The following CORO2B variants were observed in gnomAD, a reference collection of about 807,000 sequenced individuals.
CORO2B encodes the protein coronin 2B.
CORO2B carries 26 observed loss-of-function variants against 58.8 expected under a neutral mutation model. The ratio of observed to expected loss-of-function variants is 0.44; its 90% CI spans 0.32 to 0.61. The LOEUF (loss-of-function observed/expected upper bound fraction) is 0.61, where lower values mean the gene tolerates loss of function less well. CORO2B is among the 20% of genes least tolerant of loss of function. The pLI is 0.04. For missense variants in CORO2B, 460 were observed against 645.1 expected, an observed-to-expected ratio of 0.71 and a Z score of 3.11; for synonymous variants, 242 against 253.8, an observed-to-expected ratio of 0.95 and a Z score of 0.44.
chr15:68,585,279 C>T (rs575309941), intron 1 of CORO2B, among the ~76,000 whole-genome samples: 45 of 152,258 alleles, frequency 3.0e-4, no homozygotes, highest in South Asian at 2.3e-3. Flanking sequence ...GGGTCAGAGG[C>T]GGGATGCACG....
chr15:68,630,066 T>G (rs1371436136), intron 1 of CORO2B, among the ~76,000 whole-genome samples: 1 of 152,234 alleles, frequency 6.6e-6, no homozygotes, highest in Non-Finnish European at 1.5e-5. Flanking sequence ...GTTTGCTCAG[T>G]GCCCACCAGG....
At chr15:68,528,016 A>AAC in the CORO2B span, among the ~76,000 whole-genome samples, 2 of 152,294 alleles carry the variant, frequency 1.3e-5, no homozygotes, top group East Asian at 3.9e-4. Context: ...GTCACTTAGG[A>AAC]GTTCTCAAAC....
intron 3 of CORO2B, among the ~76,000 whole-genome samples, chr15:68,700,490 G>A (rs1892614245): frequency 6.6e-6 from 1 of 152,126 alleles, no homozygotes. Flanking sequence ...CGTCCCCCAG[G>A]ATCCGTTTCC....
chr15:68,698,029 ACTCAGGGCTGCTC>A (rs1892555592), intron 3 of CORO2B, among the ~76,000 whole-genome samples: 1 of 152,008 alleles, frequency 6.6e-6, no homozygotes. Flanking sequence ...AGCCCCTGGA[ACTCAGGGCTGCTC>A]CTCTACCCAC....
At chr15:68,722,486 C>T (rs551677019) in intron 11 of CORO2B, among the ~76,000 whole-genome samples, 7 of 152,302 alleles carry the variant, frequency 4.6e-5, no homozygotes, top group African/African-American at 1.2e-4. Context: ...AAAAGTCCTA[C>T]GATTGTACAA....
intron 1 of CORO2B, among the ~76,000 whole-genome samples, chr15:68,644,572 C>G (rs1020850462): frequency 5.3e-5 from 8 of 152,116 alleles, no homozygotes; most frequent in African/African-American, 1.7e-4. Flanking sequence ...CTCTCTGTGC[C>G]TGATGATATG....
In CORO2B at chr15:68,708,613, C is replaced by T. The variant is rs142668835; in HGVS notation, c.334-2119C>T. Reference sequence around the variant, plus strand: ...TCCTGACCTCGTGATCCGCCCACCTCGGCCTCCCAAAGTGCTGGGATTACA... The same window carrying T: ...TCCTGACCTCGTGATCCGCCCACCTTGGCCTCCCAAAGTGCTGGGATTACA... On this transcript the variant is annotated intron_variant, in intron 3 of 11. Transcript: ENST00000261861. 8.6e-4 allele frequency among the ~76,000 whole-genome samples: 131 copies of T among 151,894 alleles called. 1 individual carries two copies. The East Asian group carries it at 0.022, about 25-fold the overall frequency.
the CORO2B span, among the ~76,000 whole-genome samples, chr15:68,561,958 G>C: frequency 6.6e-6 from 1 of 152,122 alleles, no homozygotes; most frequent in African/African-American, 2.4e-5. Context: ...GGATGAGTAG[G>C]GGGAGGGCTG....
chr15:68,631,743 T>A (rs1465800470), intron 1 of CORO2B, among the ~76,000 whole-genome samples: 6 of 151,850 alleles, frequency 4.0e-5, no homozygotes. Flanking sequence ...CAGGGGAGGG[T>A]AGGTCCCTGG....
chr15:68,601,406 G>A (rs953837041), intron 1 of CORO2B, among the ~76,000 whole-genome samples: 3 of 152,214 alleles, frequency 2.0e-5, no homozygotes, highest in Non-Finnish European at 2.9e-5. Context: ...TGTGCCTTTC[G>A]GTAGGCACCG....
the CORO2B span, among the ~76,000 whole-genome samples, chr15:68,554,876 C>G: frequency 9.4e-6 from 1 of 106,818 alleles, no homozygotes; most frequent in Non-Finnish European, 2.3e-5. Context: ...AAAGGCCACT[C>G]GACAGCCAGT....
chr15:68,540,464 C>T, the CORO2B span, among the ~76,000 whole-genome samples: 1 of 152,172 alleles, frequency 6.6e-6, no homozygotes, highest in African/African-American at 2.4e-5. Flanking sequence ...ATAATGTCTG[C>T]CAAATACACA....
At chr15:68,676,949 T>G (rs947098388) in intron 2 of CORO2B, among the ~76,000 whole-genome samples, 2 of 152,084 alleles carry the variant, frequency 1.3e-5, no homozygotes, top group Non-Finnish European at 2.9e-5. Flanking sequence ...TTTTTTTTCT[T>G]TTTTTTGTAG....
rs1166401616 is a variant in CORO2B, at chr15:68,595,927, G to A, written c.15+16650G>A. 3.3e-5 allele frequency among the ~76,000 whole-genome samples: 5 copies of A among 152,136 alleles called. No homozygotes were observed. In the East Asian group the frequency reaches 9.7e-4, roughly 29 times the overall value. On this transcript the variant is annotated intron_variant, in intron 1 of 11. Transcript: ENST00000261861. ...TTGGAGTGTGGCTCTGAACCTAGGT[G>A]AGGGAAGGAGCAGCGTGAGCAGAGG...
At chr15:68,648,766 A>G (rs765793508) in intron 2 of CORO2B, among the ~76,000 whole-genome samples, 1 of 152,270 alleles carries the variant, frequency 6.6e-6, no homozygotes, top group Non-Finnish European at 1.5e-5. Context: ...AAGATTTAAA[A>G]GAGTAATAAT....
At chr15:68,632,965 T>C (rs1900893358) in intron 1 of CORO2B, among the ~76,000 whole-genome samples, 2 of 152,226 alleles carry the variant, frequency 1.3e-5, no homozygotes, top group Admixed American at 6.5e-5. Context: ...CTAACATTAT[T>C]TTTAAAATTA....
chr15:68,595,875 G>A (rs998385053), intron 1 of CORO2B, among the ~76,000 whole-genome samples: 4 of 152,300 alleles, frequency 2.6e-5, no homozygotes, highest in East Asian at 1.9e-4. Flanking sequence ...CTGGTGAGAC[G>A]GAGCGGGCGT....
At chr15:68,544,200 T>C in the CORO2B span, among the ~76,000 whole-genome samples, 208 of 152,352 alleles carry the variant, frequency 1.4e-3, 2 homozygotes, top group African/African-American at 4.7e-3. Context: ...CAAGCAACTA[T>C]ATCTCTCTCT....
At chr15:68,641,511 A>G (rs1010738658) in intron 1 of CORO2B, 4 of 985,048 alleles carry the variant, frequency 4.1e-6, no homozygotes, top group Non-Finnish European at 3.6e-6. Flanking sequence ...GGGAGGGTGG[A>G]CGAGGAAGAG....
Sources: allele counts gnomAD v4.1 joint callset (sites outside exome capture counted in the v4.1 genomes callset), GRCh38; gene constraint gnomAD v4.1.1; transcripts MANE v1.5; gene names NCBI Gene and HGNC (gene_info 2026-07-23, HGNC 2026-07-21).